The following COL23A1 variants were observed in gnomAD, a reference collection of about 807,000 sequenced individuals.
The protein encoded by COL23A1 is collagen alpha-1(XXIII) chain.
In COL23A1, 97 loss-of-function variants were observed where a neutral mutation model predicts 99.3. The ratio of observed to expected loss-of-function variants is 0.98; its 90% CI spans 0.83 to 1.16. The LOEUF is 1.16. Among genes scored for constraint, COL23A1 ranks in the 50% most tolerant of loss-of-function variants. The probability of loss-of-function intolerance (pLI) is 0.00; values close to 1 mark genes in which losing one functional copy is unlikely to be tolerated. For missense variants in COL23A1, 762 were observed against 757.4 expected (o/e 1.01, Z -0.07); for synonymous variants, 320 against 308.2 (o/e 1.04, Z -0.40).
intron 2 of COL23A1, among the ~76,000 whole-genome samples, chr5:178,332,530 C>T (rs1054765374): frequency 3.3e-5 from 5 of 152,112 alleles, no homozygotes; most frequent in Non-Finnish European, 7.4e-5. Context: ...TGGATTCTGC[C>T]GTCTGCAACT....
intron 2 of COL23A1, among the ~76,000 whole-genome samples, chr5:178,330,825 G>A (rs115020577): frequency 0.014 from 2,115 of 152,216 alleles, 47 homozygotes; most frequent in African/African-American, 0.048. Flanking sequence ...AGGGCAGGTG[G>A]GCTCTGTGCC....
intron 2 of COL23A1, among the ~76,000 whole-genome samples, chr5:178,447,543 T>C (rs937874420): frequency 6.6e-6 from 1 of 152,252 alleles, no homozygotes; most frequent in Admixed American, 6.5e-5. Flanking sequence ...GCCTGCAGTG[T>C]TCAGTACAGT....
At chr5:178,244,311 C>T (rs778997692) in intron 25 of COL23A1, among the ~76,000 whole-genome samples, 1 of 152,114 alleles carries the variant, frequency 6.6e-6, no homozygotes, top group Non-Finnish European at 1.5e-5. Context: ...TTTTTAAAGT[C>T]TAGGGTGGGC....
intron 2 of COL23A1, among the ~76,000 whole-genome samples, chr5:178,480,422 C>T (rs2127951143): frequency 6.6e-6 from 1 of 152,294 alleles, no homozygotes; most frequent in South Asian, 2.1e-4. Flanking sequence ...AATGCTGGTG[C>T]AGGGCCCAGT....
At chr5:178,478,019 G>A (rs562238514) in intron 2 of COL23A1, among the ~76,000 whole-genome samples, 1 of 152,212 alleles carries the variant, frequency 6.6e-6, no homozygotes, top group Non-Finnish European at 1.5e-5. Context: ...CCAGGGTGTG[G>A]GAGGAGGGAG....
chr5:178,541,687 A>G (rs995899008), intron 2 of COL23A1, among the ~76,000 whole-genome samples: 9 of 152,232 alleles, frequency 5.9e-5, no homozygotes, highest in African/African-American at 9.7e-5. Context: ...TGAAAGACAT[A>G]TACTACATTG....
intron 2 of COL23A1, among the ~76,000 whole-genome samples, chr5:178,525,976 T>C (rs1760282221): frequency 6.6e-6 from 1 of 151,986 alleles, no homozygotes; most frequent in African/African-American, 2.4e-5. Context: ...AGCAAACTCA[T>C]ACAAACTTGA....
intron 2 of COL23A1, among the ~76,000 whole-genome samples, chr5:178,403,340 C>G (rs1036021979): frequency 6.6e-6 from 1 of 152,198 alleles, no homozygotes. Flanking sequence ...CCAGACCTGA[C>G]CCAGGAGTTC....
At chr5:178,266,803 G>A (rs1755929660) in intron 8 of COL23A1, among the ~76,000 whole-genome samples, 1 of 152,210 alleles carries the variant, frequency 6.6e-6, no homozygotes, top group South Asian at 2.1e-4. Flanking sequence ...CTGCAGCCCC[G>A]CTCTCCGCAC....
In COL23A1 at chr5:178,544,692, AG is replaced by A. The variant is rs377400818; in HGVS notation, c.361+15989del. Among the ~76,000 whole-genome samples the A allele has an allele frequency of 6.6e-4, 100 of 152,304 alleles. No homozygotes were observed. Among genetic ancestry groups the A allele is most frequent in the African/African-American group, 2.3e-3 (95 of 41,574 alleles). ...TGACGATCAGGGGCGGTCACCTTCCAGTCCTGTAAGTGGCAAAGCTCAGAGG... is the reference window on the plus strand; with the variant it reads ...TGACGATCAGGGGCGGTCACCTTCCATCCTGTAAGTGGCAAAGCTCAGAGG... On this transcript the variant is annotated intron_variant, in intron 2 of 28. Transcript: ENST00000390654. This position sits in a 1 kb window ranked among gnomAD's most constrained non-coding sequence, Gnocchi z 4.4.
At chr5:178,518,213 G>A (rs1759672855) in intron 2 of COL23A1, among the ~76,000 whole-genome samples, 1 of 144,128 alleles carries the variant, frequency 6.9e-6, no homozygotes, top group African/African-American at 2.7e-5. Flanking sequence ...GGGGTTGGGG[G>A]TAAGGTCACA....
intron 2 of COL23A1, among the ~76,000 whole-genome samples, chr5:178,500,502 G>C (rs2546647): frequency 6.6e-6 from 1 of 151,026 alleles, no homozygotes; most frequent in African/African-American, 2.4e-5. Context: ...CTACTTGAGA[G>C]GCTGAGGTGG....
intron 1 of COL23A1, among the ~76,000 whole-genome samples, chr5:178,571,022 G>A (rs7718720): frequency 0.062 from 9,385 of 152,092 alleles, 763 homozygotes; most frequent in African/African-American, 0.18. Flanking sequence ...GAGAATGCCC[G>A]ATCCCACCAG....
intron 2 of COL23A1, among the ~76,000 whole-genome samples, chr5:178,328,138 C>T (rs76127269): frequency 0.023 from 3,528 of 152,218 alleles, 133 homozygotes; most frequent in African/African-American, 0.081. Flanking sequence ...GCAGGGCGGC[C>T]CCTCTGCCCT....
At chr5:178,354,059 C>G (rs939069285) in intron 2 of COL23A1, among the ~76,000 whole-genome samples, 2 of 151,988 alleles carry the variant, frequency 1.3e-5, no homozygotes, top group Non-Finnish European at 2.9e-5. Context: ...GTGATTGGCA[C>G]CCAGGCAAGG....
chr5:178,304,897 G>A (rs1758267913), intron 3 of COL23A1, among the ~76,000 whole-genome samples: 1 of 152,296 alleles, frequency 6.6e-6, no homozygotes, highest in South Asian at 2.1e-4. Flanking sequence ...ACTTGAAAGA[G>A]CCCAGCACGG....
At chr5:178,542,118 G>C (rs907686267) in intron 2 of COL23A1, among the ~76,000 whole-genome samples, 4 of 152,174 alleles carry the variant, frequency 2.6e-5, no homozygotes, top group Non-Finnish European at 5.9e-5. Flanking sequence ...CCGCCTCCCG[G>C]GTTCAAGCAG....
At chr5:178,394,332 G>C (rs949479480) in intron 2 of COL23A1, among the ~76,000 whole-genome samples, 1 of 152,210 alleles carries the variant, frequency 6.6e-6, no homozygotes, top group African/African-American at 2.4e-5. Flanking sequence ...TCAACCCTGA[G>C]CCCTCAACTC....
At chr5:178,436,425 CG>C (rs1263873552) in intron 2 of COL23A1, among the ~76,000 whole-genome samples, 14 of 75,114 alleles carry the variant, frequency 1.9e-4, no homozygotes, top group Admixed American at 1.2e-3. Context: ...GGGGTGGGGT[CG>C]GGGTGGCTGG....
Sources: allele counts gnomAD v4.1 joint callset (sites outside exome capture counted in the v4.1 genomes callset), GRCh38; gene constraint gnomAD v4.1.1; non-coding constraint Gnocchi (gnomAD v3.1); transcripts MANE v1.5; gene names NCBI Gene and HGNC (gene_info 2026-07-23, HGNC 2026-07-21).